ATP9A: variants seen among roughly 807,000 people sequenced by gnomAD.
ATP9A encodes the protein ATPase phospholipid transporting 9A, also known as probable phospholipid-transporting ATPase IIA.
A neutral mutation model predicts 144.1 loss-of-function variants in ATP9A; 52 were observed. That is an observed-to-expected ratio of 0.36 (90% CI 0.29 to 0.45). ATP9A has a LOEUF of 0.45. Ranked by LOEUF, ATP9A falls within the 20% of genes least tolerant of loss-of-function variation. ATP9A has a pLI of 1.00. For synonymous variants in ATP9A, 582 were observed against 557.4 expected (o/e 1.04, Z -0.62); for missense variants, 947 against 1,392.7 (o/e 0.68, Z 5.09).
intron 10 of ATP9A, 90 bp downstream of exon 10, chr20:51,676,042 T>A: frequency 1.1e-6 from 1 of 943,084 alleles, no homozygotes; most frequent in Non-Finnish European, 1.7e-6. Flanking sequence ...AATATCACTC[T>A]TAGGTGTTCC....
In ATP9A at chr20:51,640,299, C is replaced by T. The variant is rs140929974; in HGVS notation, c.1507-795G>A. On this transcript the variant is annotated intron_variant, in intron 14 of 27. Coordinates refer to ENST00000338821, the MANE Select transcript of ATP9A (RefSeq NM_006045.3). ...GTTCTCAACTGGGTGATTCTGTCCCCCAGGGGACCCGCGCCAACATCTGGG... is the reference window on the plus strand; with the variant it reads ...GTTCTCAACTGGGTGATTCTGTCCCTCAGGGGACCCGCGCCAACATCTGGG... Among the ~76,000 whole-genome samples the T allele has an allele frequency of 6.6e-5, 10 of 152,304 alleles. No homozygotes were observed. The East Asian group carries it at 1.9e-3, about 29-fold the overall frequency.
At chr20:51,680,385 A>G (rs184405275) in intron 9 of ATP9A, among the ~76,000 whole-genome samples, 1 of 152,188 alleles carries the variant, frequency 6.6e-6, no homozygotes, top group Admixed American at 6.5e-5. Context: ...ACTGGGCTAG[A>G]GCACCAGTTC....
At chr20:51,729,259 C>T (rs1340477807) in intron 2 of ATP9A, among the ~76,000 whole-genome samples, 2 of 152,262 alleles carry the variant, frequency 1.3e-5, no homozygotes, top group Non-Finnish European at 1.5e-5. Context: ...GCTTAGCACA[C>T]CAAATACATG....
intron 2 of ATP9A, among the ~76,000 whole-genome samples, chr20:51,726,411 A>C (rs571384749): frequency 2.2e-4 from 34 of 152,244 alleles, no homozygotes; most frequent in Admixed American, 2.2e-3. Flanking sequence ...GTTGTTTAGA[A>C]AAACATACAT....
At chr20:51,682,858 G>A (rs1156738266) in intron 9 of ATP9A, among the ~76,000 whole-genome samples, 2 of 148,318 alleles carry the variant, frequency 1.3e-5, no homozygotes, top group African/African-American at 5.0e-5. Flanking sequence ...CTCCCAAAGT[G>A]CTGGGATTAC....
At chr20:51,638,413 T>C (rs912744460) in intron 15 of ATP9A, among the ~76,000 whole-genome samples, 16 of 151,498 alleles carry the variant, frequency 1.1e-4, no homozygotes, top group Admixed American at 1.1e-3. Flanking sequence ...CACTCCAACA[T>C]AGGTGTGGGA....
At chr20:51,748,452 T>C (rs769271756) in intron 1 of ATP9A, among the ~76,000 whole-genome samples, 3 of 152,176 alleles carry the variant, frequency 2.0e-5, no homozygotes, top group Non-Finnish European at 2.9e-5. Flanking sequence ...ACCATCTGAT[T>C]CTGCAAGACA....
chr20:51,722,411 C>T (rs950552661), intron 3 of ATP9A, among the ~76,000 whole-genome samples: 2 of 152,204 alleles, frequency 1.3e-5, no homozygotes, highest in African/African-American at 2.4e-5. Context: ...AGACAACCCA[C>T]AGAGTGGGAG....
intron 3 of ATP9A, among the ~76,000 whole-genome samples, chr20:51,722,138 A>G (rs2077692311): frequency 6.6e-6 from 1 of 152,200 alleles, no homozygotes; most frequent in South Asian, 2.1e-4. Context: ...GGCTAGCCAC[A>G]TGTAGGAGAA....
At chr20:51,688,192 C>A (rs1366807383) in intron 9 of ATP9A, among the ~76,000 whole-genome samples, 1 of 152,216 alleles carries the variant, frequency 6.6e-6, no homozygotes, top group Non-Finnish European at 1.5e-5. Context: ...CACATAAGCA[C>A]CCAGCACAGG....
chr20:51,669,286 C>CA (rs1182423205), intron 13 of ATP9A, among the ~76,000 whole-genome samples: 2 of 152,140 alleles, frequency 1.3e-5, no homozygotes, highest in African/African-American at 4.8e-5. Flanking sequence ...GACACACAGC[C>CA]AAGATGGGGA....
chr20:51,639,168 G>A (rs145206326), intron 15 of ATP9A, among the ~76,000 whole-genome samples, 175 bp downstream of exon 15: 4 of 152,168 alleles, frequency 2.6e-5, no homozygotes, highest in Middle Eastern at 3.4e-3. Flanking sequence ...CAGAGTTACG[G>A]GGTGTGTCCA....
intron 1 of ATP9A, among the ~76,000 whole-genome samples, chr20:51,745,046 C>A (rs1415331942): frequency 6.6e-6 from 1 of 151,976 alleles, no homozygotes; most frequent in Admixed American, 6.6e-5. Flanking sequence ...GAGGCCAAGG[C>A]GGGTGGATCA....
chr20:51,659,684 G>A (rs1019356828), intron 13 of ATP9A, among the ~76,000 whole-genome samples: 3 of 152,258 alleles, frequency 2.0e-5, no homozygotes, highest in South Asian at 2.1e-4. Flanking sequence ...AAAATGAGTC[G>A]CACTTTACAC....
intron 13 of ATP9A, 113 bp from the exon 14 acceptor site, chr20:51,657,263 A>G: frequency 1.3e-6 from 1 of 791,866 alleles, no homozygotes; most frequent in Middle Eastern, 2.4e-4. Context: ...AACACACAGA[A>G]CCCTTAGATA....
intron 13 of ATP9A, among the ~76,000 whole-genome samples, chr20:51,664,532 G>A (rs998543041): frequency 3.9e-5 from 6 of 152,012 alleles, no homozygotes; most frequent in Admixed American, 3.3e-4. Context: ...AGGCTACAGT[G>A]AGCTGTGATG....
In ATP9A at chr20:51,596,989, T is replaced by C. The variant is rs2077122009; in HGVS notation, c.*4222A>G. ...CCTGGTGAAAATTTGCAATGAGGATTACAGAGAGAGAGATCAACCAATGAG... is the reference window on the plus strand; with the variant it reads ...CCTGGTGAAAATTTGCAATGAGGATCACAGAGAGAGAGATCAACCAATGAG... On this transcript the variant is annotated 3_prime_UTR_variant, in exon 28 of 28. Transcript: ENST00000338821. 1.3e-5 allele frequency: 2 copies of C among 152,132 alleles called. No individual in the cohort carries two copies. The highest frequency in any genetic ancestry group is 2.9e-5 in the Non-Finnish European group (2 of 68,028). The allele number at this position is 152,132 out of a possible 1,614,324, so 9.4% of individuals were successfully genotyped here.
At chr20:51,754,691 C>T (rs2077848420) in intron 1 of ATP9A, among the ~76,000 whole-genome samples, 1 of 151,882 alleles carries the variant, frequency 6.6e-6, no homozygotes, top group Admixed American at 6.6e-5. Context: ...TGGTGCATGC[C>T]TGTAATACTA....
At position 51,683,416 on chromosome 20, in the gene ATP9A, C is replaced by T. The variant is rs1220153515; in HGVS notation, c.799+5648G>A. Among the ~76,000 whole-genome samples, 4 of 151,124 alleles carry T rather than the reference C, an allele frequency of 2.6e-5. No homozygotes were observed. The Admixed American group carries it at 2.7e-4, about 10-fold the overall frequency. ...AGCAGCTGGGATTACAGGCGCCCAC[C>T]ACCACGCCCAGCTGATTATTATTAT... On this transcript the variant is annotated intron_variant, in intron 9 of 27. Coordinates refer to ENST00000338821, the MANE Select transcript of ATP9A (RefSeq NM_006045.3).
Sources: gnomAD v4.1 joint callset for allele counts (sites outside exome capture counted in the v4.1 genomes callset) on GRCh38, gnomAD v4.1.1 for gene constraint, MANE v1.5 for transcripts, NCBI Gene and HGNC (gene_info 2026-07-23, HGNC 2026-07-21) for gene names.